The following SLC25A26 variants were observed in gnomAD, a reference collection of about 807,000 sequenced individuals.
SLC25A26 encodes mitochondrial S-adenosylmethionine carrier protein.
SLC25A26 carries 36 observed loss-of-function variants against 37.8 expected under a neutral mutation model. That is an observed-to-expected ratio of 0.95 (90% CI 0.73 to 1.26). The LOEUF is 1.26. Ranked by LOEUF, SLC25A26 falls within the 50% of genes most tolerant of loss-of-function variation. The pLI is 0.00. For synonymous variants in SLC25A26, 129 were observed against 122.5 expected (o/e 1.05, Z -0.35); for missense variants, 390 against 331.1 (o/e 1.18, Z -1.38).
In SLC25A26 at chr3:66,377,891, A is replaced by G; in HGVS notation, c.*84A>G. On this transcript the variant is annotated 3_prime_UTR_variant, in exon 10 of 10. Coordinates refer to ENST00000354883, the MANE Select transcript of SLC25A26 (RefSeq NM_001379210.1). ...CTTCCGCTGAGCAGCTGTCTGAACT[A>G]TAGGCCCCAGTGCTGAAGACCAGTT... 2.8e-6 allele frequency: 3 copies of G among 1,055,808 alleles called. No homozygotes were observed. Among genetic ancestry groups the G allele is most frequent in the South Asian group, 1.3e-5 (1 of 76,702 alleles). The allele number at this position is 1,055,808 out of a possible 1,614,324, so 65.4% of individuals were successfully genotyped here. A position where few individuals can be genotyped will look rare whatever the true frequency, so the allele number is the denominator to read the frequency against.
chr3:66,319,092 C>A (rs1359913426), intron 5 of SLC25A26, among the ~76,000 whole-genome samples: 1 of 152,158 alleles, frequency 6.6e-6, no homozygotes, highest in African/African-American at 2.4e-5. Context: ...TCACAGCCAT[C>A]CTTGAGAAAC....
At chr3:66,164,173 T>C (rs2070395341) in intron 1 of SLC25A26, among the ~76,000 whole-genome samples, 1 of 152,228 alleles carries the variant, frequency 6.6e-6, no homozygotes. Context: ...AGGGAGCATA[T>C]ATCATTTAGA....
At chr3:66,173,911 G>C (rs2070536900) in intron 1 of SLC25A26, among the ~76,000 whole-genome samples, 1 of 152,078 alleles carries the variant, frequency 6.6e-6, no homozygotes, top group African/African-American at 2.4e-5. Flanking sequence ...AAATTAGCTG[G>C]GCGTGGTGGC....
At chr3:66,312,002 T>G (rs995357593) in intron 5 of SLC25A26, among the ~76,000 whole-genome samples, 18 of 152,152 alleles carry the variant, frequency 1.2e-4, no homozygotes, top group African/African-American at 3.6e-4. Flanking sequence ...GTGTGTCCCT[T>G]AGCAGAGCTC....
chr3:66,281,493 G>T (rs573722708), intron 5 of SLC25A26, among the ~76,000 whole-genome samples: 1 of 152,038 alleles, frequency 6.6e-6, no homozygotes, highest in East Asian at 1.9e-4. Flanking sequence ...TTGTTAGCTG[G>T]CATTCTTCTG....
intron 1 of SLC25A26, among the ~76,000 whole-genome samples, chr3:66,222,750 C>T (rs930340786): frequency 3.3e-5 from 5 of 152,164 alleles, no homozygotes; most frequent in African/African-American, 1.2e-4. Flanking sequence ...GTGATGTCAC[C>T]TGGGAGTCGT....
At chr3:66,359,256 G>A (rs962808618) in intron 6 of SLC25A26, among the ~76,000 whole-genome samples, 7 of 152,128 alleles carry the variant, frequency 4.6e-5, no homozygotes, top group Non-Finnish European at 1.5e-5. Context: ...AGCTTTCTCT[G>A]TCACCTCACT....
chr3:66,213,655 C>T (rs942503255), intron 1 of SLC25A26, among the ~76,000 whole-genome samples: 1 of 152,108 alleles, frequency 6.6e-6, no homozygotes, highest in Non-Finnish European at 1.5e-5. Flanking sequence ...CCACAGTTTA[C>T]ATTAGGTTAA....
chr3:66,376,698 G>A (rs189121122), intron 9 of SLC25A26, among the ~76,000 whole-genome samples: 217 of 152,288 alleles, frequency 1.4e-3, no homozygotes, highest in Non-Finnish European at 2.1e-3. Flanking sequence ...TATTATGGTG[G>A]CCAAACTTGG....
chr3:66,187,112 C>T (rs1290788689), intron 1 of SLC25A26, among the ~76,000 whole-genome samples: 2 of 151,750 alleles, frequency 1.3e-5, no homozygotes, highest in Non-Finnish European at 2.9e-5. Flanking sequence ...TGACCCTGAC[C>T]CTGATCCTCA....
chr3:66,274,005 C>T (rs2074044623), intron 5 of SLC25A26, among the ~76,000 whole-genome samples: 1 of 152,138 alleles, frequency 6.6e-6, no homozygotes, highest in Non-Finnish European at 1.5e-5. Flanking sequence ...AACTATACTA[C>T]AAGGCTTCAG....
At chr3:66,295,030 A>T (rs188476211) in intron 5 of SLC25A26, among the ~76,000 whole-genome samples, 117 of 152,322 alleles carry the variant, frequency 7.7e-4, no homozygotes, top group Non-Finnish European at 1.4e-3. Context: ...GCTGAATCTC[A>T]TAAAAACTGG....
At chr3:66,211,907 C>T (rs1428690908) in intron 1 of SLC25A26, among the ~76,000 whole-genome samples, 2 of 152,168 alleles carry the variant, frequency 1.3e-5, no homozygotes, top group Non-Finnish European at 2.9e-5. Flanking sequence ...GCAACCATCA[C>T]TACTATAGAT....
chr3:66,315,528 A>AT (rs2075513313), intron 5 of SLC25A26, among the ~76,000 whole-genome samples: 1 of 151,958 alleles, frequency 6.6e-6, no homozygotes. Flanking sequence ...CTCACAAGTG[A>AT]TTTTCTTCCA....
At chr3:66,362,068 T>A (rs2076720631) in intron 6 of SLC25A26, among the ~76,000 whole-genome samples, 1 of 152,162 alleles carries the variant, frequency 6.6e-6, no homozygotes, top group Non-Finnish European at 1.5e-5. Context: ...TTGGGAAAGA[T>A]GTGGAGAAAC....
intron 5 of SLC25A26, among the ~76,000 whole-genome samples, chr3:66,318,719 C>A (rs955911061): frequency 6.6e-6 from 1 of 151,928 alleles, no homozygotes; most frequent in Non-Finnish European, 1.5e-5. Flanking sequence ...CTGGAGTGCA[C>A]TGTCTCATCA....
At chr3:66,296,687 A>T (rs1376148289) in intron 5 of SLC25A26, among the ~76,000 whole-genome samples, 3 of 152,222 alleles carry the variant, frequency 2.0e-5, no homozygotes, top group African/African-American at 7.2e-5. Flanking sequence ...ATAATTATTT[A>T]ATCACTAGAA....
At chr3:66,261,837 A>G (rs530699213) in intron 3 of SLC25A26, among the ~76,000 whole-genome samples, 182 of 152,088 alleles carry the variant, frequency 1.2e-3, no homozygotes, top group African/African-American at 4.2e-3. Flanking sequence ...CAGGATCTAT[A>G]TAGGACAAGC....
intron 6 of SLC25A26, among the ~76,000 whole-genome samples, chr3:66,355,784 C>T (rs577366753): frequency 2.0e-5 from 3 of 152,270 alleles, no homozygotes; most frequent in Non-Finnish European, 4.4e-5. Context: ...AGTATGTGCA[C>T]GAAAATCATT....
Sources: gnomAD v4.1 joint callset for allele counts (sites outside exome capture counted in the v4.1 genomes callset) on GRCh38, gnomAD v4.1.1 for gene constraint, MANE v1.5 for transcripts, NCBI Gene and HGNC (gene_info 2026-07-23, HGNC 2026-07-21) for gene names.